The following MRPL39 variants were observed in gnomAD, a reference collection of about 807,000 sequenced individuals.
MRPL39 encodes large ribosomal subunit protein mL39.
MRPL39 carries 35 observed loss-of-function variants against 44.5 expected under a neutral mutation model. That is an observed-to-expected ratio of 0.79 (90% confidence interval 0.60 to 1.04). The LOEUF is 1.04. MRPL39 is among the 50% of genes least tolerant of loss of function. MRPL39 has a pLI of 0.00. For synonymous variants in MRPL39, 139 were observed against 136.1 expected, an observed-to-expected ratio of 1.02 and a Z score of -0.15; for missense variants, 433 against 413.5, an observed-to-expected ratio of 1.05 and a Z score of -0.41.
At chr21:25,606,147 T>C (rs900401636) in intron 2 of MRPL39, among the ~76,000 whole-genome samples, 2 of 152,120 alleles carry the variant, frequency 1.3e-5, no homozygotes, top group Non-Finnish European at 2.9e-5. Flanking sequence ...GCTAATTTAT[T>C]TCTATTTTTA....
At position 25,607,316 on chromosome 21, in the gene MRPL39, G is replaced by C. The variant is rs9653688; in HGVS notation, c.73+87C>G. The C allele has an allele frequency of 5.1e-4, 741 of 1,458,836 alleles. 8 individuals are homozygous for C. The East Asian group carries it at 0.015, about 29-fold the overall frequency. The allele number at this position is 1,458,836 out of a possible 1,614,324, so 90.4% of individuals were successfully genotyped here. On this transcript the variant is annotated intron_variant, in intron 1 of 9. Coordinates refer to ENST00000352957, the MANE Select transcript of MRPL39 (RefSeq NM_017446.4). The stretch of plus-strand genomic sequence containing the variant: ...CCCTCCTCCTTCCTCTGCCCCGCGG[G>C]ACCTCCCCGGCCCCGCCTCAGACCC...
At chr21:25,600,839 G>A (rs1348364030) in intron 4 of MRPL39, among the ~76,000 whole-genome samples, 1 of 152,202 alleles carries the variant, frequency 6.6e-6, no homozygotes, top group Non-Finnish European at 1.5e-5. Context: ...CGGGCACGGT[G>A]GCTCACGCCT....
intron 2 of MRPL39, among the ~76,000 whole-genome samples, chr21:25,604,946 G>A (rs1268191181): frequency 2.6e-5 from 4 of 152,226 alleles, no homozygotes; most frequent in Non-Finnish European, 4.4e-5. Context: ...CATGTGATGT[G>A]TATAAAGCTC....
At chr21:25,603,336 T>C (rs530580451) in intron 3 of MRPL39, among the ~76,000 whole-genome samples, 2 of 152,228 alleles carry the variant, frequency 1.3e-5, no homozygotes, top group African/African-American at 4.8e-5. Flanking sequence ...GCAAGTTCTT[T>C]AGGTTTAAGT....
intron 7 of MRPL39, 85 bp downstream of exon 7, chr21:25,593,808 C>CT: frequency 2.6e-6 from 3 of 1,160,082 alleles, no homozygotes; most frequent in Non-Finnish European, 3.7e-6. Context: ...ACAAATTCAT[C>CT]TTTTTTGGTC....
chr21:25,586,120 A>C (rs527454912), intron 9 of MRPL39, among the ~76,000 whole-genome samples: 2 of 152,342 alleles, frequency 1.3e-5, no homozygotes, highest in South Asian at 4.1e-4. Flanking sequence ...TCCATTTAGA[A>C]TAGAACATAT....
At chr21:25,590,402 A>C (rs1027545667) in intron 8 of MRPL39, among the ~76,000 whole-genome samples, 2 of 152,114 alleles carry the variant, frequency 1.3e-5, no homozygotes, top group African/African-American at 4.8e-5. Flanking sequence ...AAAAAATCGC[A>C]AGAAAACCTC....
intron 8 of MRPL39, among the ~76,000 whole-genome samples, chr21:25,590,397 AT>A (rs1376213477): frequency 6.6e-6 from 1 of 151,210 alleles, no homozygotes; most frequent in Non-Finnish European, 1.5e-5. Flanking sequence ...AAAAAAAAAA[AT>A]CGCAAGAAAA....
At chr21:25,599,729 T>C in intron 5 of MRPL39, 70 bp downstream of exon 5, 4 of 1,277,070 alleles carry the variant, frequency 3.1e-6, no homozygotes, top group Non-Finnish European at 4.5e-6. Context: ...TCAACAATAC[T>C]AACATAGGAA....
intron 7 of MRPL39, among the ~76,000 whole-genome samples, chr21:25,593,522 T>C (rs1046946158): frequency 6.6e-6 from 1 of 152,222 alleles, no homozygotes; most frequent in Admixed American, 6.5e-5. Context: ...TGGCTTAACT[T>C]ACATGTATCT....
At chr21:25,601,827 T>C (rs1270756288) in intron 3 of MRPL39, among the ~76,000 whole-genome samples, 1 of 152,260 alleles carries the variant, frequency 6.6e-6, no homozygotes, top group Non-Finnish European at 1.5e-5. Context: ...ATATTAATTA[T>C]GTAACTTTGT....
At chr21:25,601,341 A>G in intron 4 of MRPL39, 27 bp downstream of exon 4, 2 of 1,397,318 alleles carry the variant, frequency 1.4e-6, no homozygotes, top group South Asian at 2.5e-5. Context: ...TTTAAGGATC[A>G]CAAAAAGACA....
chr21:25,593,811 T>G, intron 7 of MRPL39, 82 bp downstream of exon 7: 1 of 1,193,402 alleles, frequency 8.4e-7, no homozygotes, highest in African/African-American at 1.5e-5. Context: ...AATTCATCTT[T>G]TTTGGTCATA....
At chr21:25,598,435 C>CT (rs1375559369) in intron 5 of MRPL39, among the ~76,000 whole-genome samples, 6 of 106,136 alleles carry the variant, frequency 5.7e-5, no homozygotes, top group Non-Finnish European at 1.0e-4. Flanking sequence ...ACCCCCATCT[C>CT]TTTAAAAAAA....
chr21:25,604,881 A>C (rs1418296823), intron 2 of MRPL39, among the ~76,000 whole-genome samples: 1 of 152,238 alleles, frequency 6.6e-6, no homozygotes, highest in Non-Finnish European at 1.5e-5. Context: ...CATGAATGAC[A>C]AGAACGTCTC....
intron 2 of MRPL39, 107 bp from the exon 3 acceptor site, chr21:25,604,042 A>G: frequency 9.5e-7 from 1 of 1,057,758 alleles, no homozygotes; most frequent in East Asian, 2.7e-5. Context: ...GATTCTGCAG[A>G]CTGTCCTTTT....
In MRPL39 at chr21:25,592,883, G is replaced by T. The variant is rs2031225123; in HGVS notation, c.850C>A (p.His284Asn). 6.2e-7 allele frequency: 1 copy of T among 1,612,966 alleles called. No individual in the cohort carries two copies. Among genetic ancestry groups the T allele is most frequent in the African/African-American group, 1.3e-5 (1 of 75,024 alleles). Residue 284 changes from histidine to asparagine, a missense_variant, in exon 8 of 10, where the codon CAC (histidine) becomes AAC (asparagine). Coordinates refer to ENST00000352957, the MANE Select transcript of MRPL39 (RefSeq NM_017446.4). ...CTTGGCTGGGTGGGTTGAAGATTGT[G>T]AACTGCTGATACTTCATACTGGAAA... ...ICFQYEVSAV[H>N]NLQPTQPSLI...
intron 5 of MRPL39, among the ~76,000 whole-genome samples, chr21:25,597,664 T>C (rs1285943466): frequency 1.3e-5 from 2 of 152,266 alleles, no homozygotes; most frequent in South Asian, 2.1e-4. Flanking sequence ...GAGAAAACTA[T>C]ACAGAAATTT....
At chr21:25,586,144 T>G (rs547731582) in intron 9 of MRPL39, among the ~76,000 whole-genome samples, 39 of 152,328 alleles carry the variant, frequency 2.6e-4, no homozygotes, top group African/African-American at 4.6e-4. Context: ...AGATTTAGTC[T>G]AAATAGATAT....
Sources: gnomAD v4.1 joint callset for allele counts (sites outside exome capture counted in the v4.1 genomes callset) on GRCh38, gnomAD v4.1.1 for gene constraint, MANE v1.5 for transcripts, NCBI Gene and HGNC (gene_info 2026-07-23, HGNC 2026-07-21) for gene names.